The following AIDA variants were observed in gnomAD, a reference collection of about 807,000 sequenced individuals.
The protein encoded by AIDA is axin interactor, dorsalization-associated protein.
AIDA carries 18 observed loss-of-function variants against 42.7 expected under a neutral mutation model. The ratio of observed to expected loss-of-function variants is 0.42; its 90% CI spans 0.29 to 0.63. The LOEUF (loss-of-function observed/expected upper bound fraction) is 0.63. Among genes scored for constraint, AIDA ranks in the 20% least tolerant of loss-of-function variants. The pLI is 0.19. For synonymous variants in AIDA, 104 were observed against 122.9 expected (o/e 0.85, Z 1.02); for missense variants, 250 against 354.1 (o/e 0.71, Z 2.36).
At chr1:222,708,834 C>T (rs1003352717) in intron 1 of AIDA, among the ~76,000 whole-genome samples, 16 of 152,204 alleles carry the variant, frequency 1.1e-4, no homozygotes, top group Non-Finnish European at 2.4e-4. Context: ...TCATCTAATA[C>T]TTCGGATGCC....
chr1:222,695,191 C>T (rs190833768), intron 2 of AIDA, among the ~76,000 whole-genome samples: 1 of 152,226 alleles, frequency 6.6e-6, no homozygotes, highest in East Asian at 1.9e-4. Context: ...TCAGATCTGC[C>T]CTTTAAGAAG....
intron 1 of AIDA, 150 bp downstream of exon 1, chr1:222,712,058 C>G: frequency 8.2e-7 from 1 of 1,220,580 alleles, no homozygotes; most frequent in Non-Finnish European, 1.1e-6. Flanking sequence ...CTCGCTGGGG[C>G]TGGTGGCGAG....
At chr1:222,694,485 A>G (rs1175042507) in intron 2 of AIDA, among the ~76,000 whole-genome samples, 2 of 152,214 alleles carry the variant, frequency 1.3e-5, no homozygotes, top group Non-Finnish European at 2.9e-5. Flanking sequence ...CTAATGTGCC[A>G]CAACTAATTC....
At chr1:222,684,576 T>G (rs1242706254) in intron 6 of AIDA, among the ~76,000 whole-genome samples, 1 of 152,194 alleles carries the variant, frequency 6.6e-6, no homozygotes, top group African/African-American at 2.4e-5. Flanking sequence ...TATTTTTTAA[T>G]AACACAGGCC....
intron 7 of AIDA, 60 bp from the exon 8 acceptor site, chr1:222,673,495 G>A (rs550072575): frequency 1.4e-6 from 2 of 1,419,786 alleles, no homozygotes; most frequent in East Asian, 2.5e-5. Flanking sequence ...AAAAACTGCA[G>A]GCCAGGCACG....
chr1:222,670,297 T>C, intron 8 of AIDA, 47 bp from the exon 9 acceptor site: 1 of 1,462,630 alleles, frequency 6.8e-7, no homozygotes, highest in Non-Finnish European at 9.5e-7. Context: ...GCACATTTCT[T>C]GTGTGTCAAT....
At chr1:222,712,095 CCCCA>C (rs1656085195) in intron 1 of AIDA, 109 bp downstream of exon 1, 3 of 1,493,542 alleles carry the variant, frequency 2.0e-6, no homozygotes, top group Non-Finnish European at 2.7e-6. Context: ...GCCTGCGGAG[CCCCA>C]CCCTGAGAAG....
chr1:222,668,513 C>A lies in AIDA; in HGVS notation c.*1380G>T, dbSNP rs1286187401. The A allele has an allele frequency of 2.0e-5, 1 of 48,894 alleles. No homozygotes were observed. Among genetic ancestry groups the A allele is most frequent in the Non-Finnish European group, 4.0e-5 (1 of 25,264 alleles). The allele number at this position is 48,894 out of a possible 1,614,324, so 3.0% of individuals were successfully genotyped here. A position where few individuals can be genotyped will look rare whatever the true frequency, so the allele number is the denominator to read the frequency against. ...GGCTCGCATAGTTTTTATTAACATC[C>A]GTCTAGTAAACAGAATGGACCTAAC... is the stretch of plus-strand genomic sequence containing the variant. On this transcript the variant is annotated 3_prime_UTR_variant, in exon 10 of 10. Transcript: ENST00000340020.
intron 1 of AIDA, among the ~76,000 whole-genome samples, chr1:222,709,510 G>A (rs1227618395): frequency 6.6e-6 from 1 of 152,178 alleles, no homozygotes; most frequent in East Asian, 1.9e-4. Context: ...AAAAAATGAA[G>A]CAGGATGGGG....
chr1:222,694,040 C>CT (rs1655449002), intron 3 of AIDA, among the ~76,000 whole-genome samples, 170 bp downstream of exon 3: 1 of 152,066 alleles, frequency 6.6e-6, no homozygotes. Flanking sequence ...GAAGTCATAT[C>CT]TTTTATTTTA....
chr1:222,682,224 C>T (rs552600210), intron 6 of AIDA, among the ~76,000 whole-genome samples: 2 of 152,112 alleles, frequency 1.3e-5, no homozygotes, highest in Non-Finnish European at 2.9e-5. Context: ...GAAAATTTTT[C>T]TTTTGGTCCA....
chr1:222,689,498 T>TA (rs1354970676), intron 4 of AIDA, among the ~76,000 whole-genome samples: 1 of 68,276 alleles, frequency 1.5e-5, no homozygotes, highest in Admixed American at 1.4e-4. Flanking sequence ...TATATATATA[T>TA]ATATATATAT....
chr1:222,679,114 T>A (rs1462610437), intron 6 of AIDA, among the ~76,000 whole-genome samples: 4 of 152,208 alleles, frequency 2.6e-5, no homozygotes, highest in South Asian at 2.1e-4. Context: ...AAAACATATA[T>A]CAATGTACTG....
At position 222,669,841 on chromosome 1, in the gene AIDA, G is replaced by A; in HGVS notation, c.*52C>T. The A allele has an allele frequency of 1.3e-6, 2 of 1,546,214 alleles. No individual in the cohort carries two copies. The highest frequency in any genetic ancestry group is 1.8e-6 in the Non-Finnish European group (2 of 1,130,226). ...GAATATGCTACACAGAGCTATGATG[G>A]TTTCTACTGAGTGGTAAAATTCACA... On this transcript the variant is annotated 3_prime_UTR_variant, in exon 10 of 10. Transcript: ENST00000340020.
chr1:222,670,391 T>G (rs1664425126), intron 8 of AIDA, 141 bp from the exon 9 acceptor site: 1 of 671,368 alleles, frequency 1.5e-6, no homozygotes, highest in African/African-American at 1.8e-5. Flanking sequence ...CTCAATGATT[T>G]GACAGTAACT....
At chr1:222,692,436 G>C (rs1197146693) in intron 4 of AIDA, among the ~76,000 whole-genome samples, 1 of 152,136 alleles carries the variant, frequency 6.6e-6, no homozygotes, top group Non-Finnish European at 1.5e-5. Context: ...ATATCAACAT[G>C]TGTTCTCTTT....
At chr1:222,692,686 T>TA (rs1356920615) in intron 4 of AIDA, among the ~76,000 whole-genome samples, 1 of 152,072 alleles carries the variant, frequency 6.6e-6, no homozygotes, top group Non-Finnish European at 1.5e-5. Context: ...AAGATGGATA[T>TA]AAAAAGTGTT....
chr1:222,693,279 C>T (rs982111139), intron 4 of AIDA, among the ~76,000 whole-genome samples: 1 of 152,134 alleles, frequency 6.6e-6, no homozygotes, highest in Non-Finnish European at 1.5e-5. Context: ...TTGCAAAGAA[C>T]ATTCATCTAA....
chr1:222,684,116 CTT>C (rs1204032605), intron 6 of AIDA, among the ~76,000 whole-genome samples: 1 of 144,750 alleles, frequency 6.9e-6, no homozygotes, highest in African/African-American at 2.5e-5. Flanking sequence ...GAATGAATTT[CTT>C]TTTTTTTTTT....
Sources: allele counts gnomAD v4.1 joint callset (sites outside exome capture counted in the v4.1 genomes callset), GRCh38; gene constraint gnomAD v4.1.1; transcripts MANE v1.5; gene names NCBI Gene and HGNC (gene_info 2026-07-23, HGNC 2026-07-21).